CFAP47: variants seen among roughly 807,000 people sequenced by gnomAD.
CFAP47 encodes the protein cilia and flagella associated protein 47, also known as cilia- and flagella-associated protein 47.
In CFAP47, 29 loss-of-function variants were observed where a neutral mutation model predicts 148.1. That is an observed-to-expected ratio of 0.20 (90% CI 0.15 to 0.27). CFAP47 has a LOEUF of 0.27. Ranked by LOEUF, CFAP47 falls within the 10% of genes least tolerant of loss-of-function variation. The pLI is 1.00. For missense variants in CFAP47, 1,872 were observed against 1,697.5 expected (o/e 1.10, Z -1.81); for synonymous variants, 664 against 577.3 (o/e 1.15, Z -2.15).
In CFAP47 at chrX:36,000,430, A is replaced by G. The variant is rs948582873; in HGVS notation, c.3322+3A>G. 3.4e-6 allele frequency: 1 copy of G among 292,824 alleles called. No homozygotes were observed. The highest frequency in any genetic ancestry group is 6.0e-6 in the Non-Finnish European group (1 of 167,267). The allele number at this position is 292,824 out of a possible 1,213,427, so 24.1% of individuals were successfully genotyped here. ...AATGGATCTTAAAGACAAATCAGGT[A>G]TATATTTTGTATATAATGGTATTAC... On this transcript the variant is annotated splice_donor_region_variant and intron_variant, in intron 20 of 63. Transcript: ENST00000378653.
rs146638559 is a variant in CFAP47 at position 36,073,265 on chromosome X, A to G, written c.4592A>G (p.Tyr1531Cys). ...LSLEEGTKAH[Y>C]FFEKVVNAAQ... The stretch of plus-strand genomic sequence containing the variant: ...CTTGAGGAAGGAACAAAGGCACACT[A>G]CTTTTTTGAGAAGGTTGTAAATGCA... The change falls in exon 29 of 64, where the codon TAC becomes TGC. Residue 1531 changes from tyrosine (Y) to cysteine (C), a missense_variant. Physicochemically the swap from Tyr to Cys is radical, Grantham distance 194. Transcript: ENST00000378653. 43 of 1,208,019 alleles carry G rather than the reference A, an allele frequency of 3.6e-5. No individual in the cohort carries two copies. The highest frequency in any genetic ancestry group is 4.5e-5 in the Non-Finnish European group (40 of 893,966).
At chrX:36,069,475 A>G (rs1601958960) in intron 27 of CFAP47, among the ~76,000 whole-genome samples, 1 of 111,814 alleles carries the variant, frequency 8.9e-6, no homozygotes, top group Non-Finnish European at 1.9e-5. Context: ...CATAAAGTCT[A>G]TGTGTGAAAA....
At chrX:36,141,390 C>T (rs1274902038) in intron 35 of CFAP47, among the ~76,000 whole-genome samples, 2 of 111,541 alleles carry the variant, frequency 1.8e-5, no homozygotes, top group African/African-American at 3.3e-5. Context: ...GTGTCTCACT[C>T]TGGAAGGGAG....
At chrX:36,136,228 T>C (rs1397166602) in intron 33 of CFAP47, among the ~76,000 whole-genome samples, 2 of 108,933 alleles carry the variant, frequency 1.8e-5, no homozygotes, top group Non-Finnish European at 3.8e-5. Context: ...TATGTATTCA[T>C]TGACTTCTGC....
chrX:36,115,104 A>T (rs1938617991), intron 33 of CFAP47, among the ~76,000 whole-genome samples: 1 of 111,538 alleles, frequency 9.0e-6, no homozygotes, highest in African/African-American at 3.3e-5. Context: ...CTTCTAGGAA[A>T]CCTTTCCACA....
intron 57 of CFAP47, among the ~76,000 whole-genome samples, chrX:36,320,033 T>C (rs1156963779): frequency 2.7e-5 from 3 of 110,808 alleles, no homozygotes; most frequent in Non-Finnish European, 5.7e-5. Flanking sequence ...ACCATATTGG[T>C]CAGGCTAGTC....
At chrX:36,164,305 C>G (rs766816644) in intron 39 of CFAP47, among the ~76,000 whole-genome samples, 1 of 111,450 alleles carries the variant, frequency 9.0e-6, no homozygotes, top group Admixed American at 9.6e-5. Flanking sequence ...TTGATCTGTT[C>G]ATTTCTCCCT....
intron 26 of CFAP47, among the ~76,000 whole-genome samples, chrX:36,048,705 T>C (rs1937495218): frequency 1.8e-5 from 2 of 112,068 alleles, no homozygotes; most frequent in Non-Finnish European, 3.8e-5. Flanking sequence ...GGGATAGAAG[T>C]TTTATTCAAT....
intron 4 of CFAP47, among the ~76,000 whole-genome samples, chrX:35,948,752 A>G (rs1461632252): frequency 9.0e-6 from 1 of 110,638 alleles, no homozygotes; most frequent in Admixed American, 9.7e-5. Context: ...GGTGAGTAGT[A>G]ATTAGCCAGG....
intron 39 of CFAP47, among the ~76,000 whole-genome samples, chrX:36,177,955 G>T (rs1359970988): frequency 8.9e-6 from 1 of 111,735 alleles, no homozygotes; most frequent in Non-Finnish European, 1.9e-5. Flanking sequence ...TGGTGGATTG[G>T]ATAAAGAAAA....
chrX:36,183,407 G>C (rs1939772932), intron 40 of CFAP47, among the ~76,000 whole-genome samples: 1 of 111,773 alleles, frequency 8.9e-6, no homozygotes, highest in South Asian at 3.7e-4. Flanking sequence ...GCATTAGCAA[G>C]AAATAAACTA....
chrX:36,004,581 G>C (rs1410536404), intron 21 of CFAP47, among the ~76,000 whole-genome samples: 1 of 109,739 alleles, frequency 9.1e-6, no homozygotes, highest in Non-Finnish European at 1.9e-5. Flanking sequence ...GCAGTATAAA[G>C]GAACAAATTG....
intron 58 of CFAP47, 22 bp downstream of exon 58, chrX:36,348,310 T>C: frequency 3.3e-6 from 3 of 900,491 alleles, no homozygotes; most frequent in Non-Finnish European, 4.3e-6. Flanking sequence ...ATAAAGACAT[T>C]GAAGGAAAAT....
At chrX:36,343,619 G>A (rs1285571045) in intron 57 of CFAP47, among the ~76,000 whole-genome samples, 4 of 111,590 alleles carry the variant, frequency 3.6e-5, no homozygotes, top group African/African-American at 1.3e-4. Context: ...CTACTCTAAA[G>A]ACACATGCAC....
intron 33 of CFAP47, among the ~76,000 whole-genome samples, chrX:36,129,825 CA>C (rs1938912899): frequency 1.8e-5 from 2 of 110,972 alleles, no homozygotes; most frequent in South Asian, 7.4e-4. Context: ...GACACAGTAA[CA>C]GCAAAATTAT....
At chrX:36,297,588 T>G (rs782064945) in intron 51 of CFAP47, among the ~76,000 whole-genome samples, 2 of 111,675 alleles carry the variant, frequency 1.8e-5, no homozygotes, top group East Asian at 5.6e-4. Context: ...ATGGGATGCT[T>G]TATAAGTCAT....
At chrX:36,110,490 A>G (rs887180909) in intron 33 of CFAP47, among the ~76,000 whole-genome samples, 6 of 110,948 alleles carry the variant, frequency 5.4e-5, no homozygotes, top group African/African-American at 2.0e-4. Context: ...TGTACCAGTC[A>G]TCCCCTTTTT....
chrX:36,101,332 G>C (rs780028032), intron 32 of CFAP47, among the ~76,000 whole-genome samples: 1 of 112,159 alleles, frequency 8.9e-6, no homozygotes, highest in South Asian at 3.7e-4. Context: ...CAACAGCGAA[G>C]CCAAGAGCTG....
chrX:35,959,677 C>T (rs1415988172), intron 8 of CFAP47, among the ~76,000 whole-genome samples: 8 of 109,623 alleles, frequency 7.3e-5, no homozygotes, highest in Admixed American at 2.0e-4. Context: ...TGTGGTGTCA[C>T]GTGCCTGTAA....
Sources: gnomAD v4.1 joint callset for allele counts (sites outside exome capture counted in the v4.1 genomes callset) on GRCh38, gnomAD v4.1.1 for gene constraint, MANE v1.5 for transcripts, NCBI Gene and HGNC (gene_info 2026-07-23, HGNC 2026-07-21) for gene names.